The following LPP variants were observed in gnomAD, a reference collection of about 807,000 sequenced individuals.
LPP encodes LIM domain containing preferred translocation partner in lipoma.
Under a neutral mutation model 60.4 loss-of-function variants are expected in LPP, and 38 were observed. The ratio of observed to expected loss-of-function variants is 0.63; its 90% confidence interval spans 0.49 to 0.83. The LOEUF is 0.83. Ranked by LOEUF, LPP falls within the 40% of genes least tolerant of loss-of-function variation. The pLI, the probability that LPP is intolerant of heterozygous loss-of-function variation, is 0.00. For missense variants in LPP, 902 were observed against 783.6 expected, an observed-to-expected ratio of 1.15 and a Z score of -1.80; for synonymous variants, 328 against 290.8, an observed-to-expected ratio of 1.13 and a Z score of -1.30.
chr3:188,787,683 C>T (rs372113996), intron 9 of LPP, among the ~76,000 whole-genome samples: 220 of 152,300 alleles, frequency 1.4e-3, no homozygotes, highest in African/African-American at 5.2e-3. Flanking sequence ...GGTTTTCTTC[C>T]TATCGCTGTA....
At chr3:188,675,548 G>GCT in intron 7 of LPP, among the ~76,000 whole-genome samples, 1 of 152,216 alleles carries the variant, frequency 6.6e-6, no homozygotes, top group Non-Finnish European at 1.5e-5. Flanking sequence ...GGTGTTGGTA[G>GCT]TAATCTGTGC....
chr3:188,431,037 T>C (rs1199415696), intron 4 of LPP, among the ~76,000 whole-genome samples: 2 of 152,188 alleles, frequency 1.3e-5, no homozygotes, highest in South Asian at 4.1e-4. Flanking sequence ...ATGGTAAGTT[T>C]ATAGTATTCC....
At chr3:188,587,790 T>C (rs1253494959) in intron 6 of LPP, among the ~76,000 whole-genome samples, 2 of 152,188 alleles carry the variant, frequency 1.3e-5, no homozygotes, top group Non-Finnish European at 2.9e-5. Flanking sequence ...TAAAATAAAA[T>C]AGGTTTCTTA....
At chr3:188,269,134 T>C (rs1433600555) in intron 2 of LPP, among the ~76,000 whole-genome samples, 1 of 152,216 alleles carries the variant, frequency 6.6e-6, no homozygotes, top group Non-Finnish European at 1.5e-5. Context: ...TCATATACTA[T>C]AGTAAATACG....
At chr3:188,596,008 T>C (rs571272101) in intron 6 of LPP, among the ~76,000 whole-genome samples, 3 of 152,276 alleles carry the variant, frequency 2.0e-5, no homozygotes, top group African/African-American at 7.2e-5. Flanking sequence ...CTAACCCATG[T>C]GGTCACTACA....
intron 2 of LPP, among the ~76,000 whole-genome samples, chr3:188,272,719 C>T (rs527621539): frequency 1.9e-3 from 296 of 152,278 alleles, no homozygotes; most frequent in African/African-American, 6.9e-3. Context: ...AAGCACAATA[C>T]ATCTTTTGCT....
At chr3:188,616,881 C>G (rs1844946430) in intron 7 of LPP, among the ~76,000 whole-genome samples, 9 of 152,106 alleles carry the variant, frequency 5.9e-5, no homozygotes, top group Admixed American at 5.9e-4. Context: ...TGTTTATAAT[C>G]ATTTGTTATT....
intron 3 of LPP, among the ~76,000 whole-genome samples, chr3:188,345,749 TG>T (rs1184978652): frequency 6.6e-6 from 1 of 152,076 alleles, no homozygotes; most frequent in East Asian, 1.9e-4. Context: ...CACATGTACA[TG>T]GGGGCTTCCA....
intron 1 of LPP, among the ~76,000 whole-genome samples, chr3:188,177,629 C>G (rs1007661620): frequency 6.6e-6 from 1 of 152,146 alleles, no homozygotes; most frequent in Admixed American, 6.5e-5. Context: ...ACGTGAGCCT[C>G]AGCCCTCTCC....
chr3:188,473,849 G>A (rs1215746663), intron 4 of LPP, among the ~76,000 whole-genome samples: 1 of 152,166 alleles, frequency 6.6e-6, no homozygotes, highest in African/African-American at 2.4e-5. Flanking sequence ...ACAGATGGTT[G>A]CAATATTTCT....
chr3:188,874,052 G>C (rs561002181), intron 11 of LPP, among the ~76,000 whole-genome samples: 1 of 151,648 alleles, frequency 6.6e-6, no homozygotes, highest in South Asian at 2.1e-4. Context: ...TTCTACATGG[G>C]AGCCAAGATG....
chr3:188,245,207 G>A (rs1040100889), intron 2 of LPP, among the ~76,000 whole-genome samples: 1 of 151,968 alleles, frequency 6.6e-6, no homozygotes, highest in African/African-American at 2.4e-5. Context: ...CTGCCTCCCG[G>A]GTTCAAGCAA....
intron 3 of LPP, among the ~76,000 whole-genome samples, chr3:188,372,969 G>A (rs911794441): frequency 5.9e-5 from 9 of 151,488 alleles, no homozygotes; most frequent in Non-Finnish European, 8.8e-5. Flanking sequence ...TTGGTTTTTT[G>A]TCCTTGAGAT....
chr3:188,800,016 CCTTGCTT>C, intron 9 of LPP, among the ~76,000 whole-genome samples: 1 of 152,138 alleles, frequency 6.6e-6, no homozygotes, highest in South Asian at 2.1e-4. Flanking sequence ...TTGTTCTGCA[CCTTGCTT>C]CTTTGTTTTC....
At chr3:188,600,924 G>GTA (rs903981470) in intron 6 of LPP, among the ~76,000 whole-genome samples, 1 of 151,892 alleles carries the variant, frequency 6.6e-6, no homozygotes, top group South Asian at 2.1e-4. Flanking sequence ...TTGTGTGTGT[G>GTA]TATATATATG....
At chr3:188,839,337 T>G (rs1400020966) in intron 9 of LPP, among the ~76,000 whole-genome samples, 1 of 152,200 alleles carries the variant, frequency 6.6e-6, no homozygotes. Context: ...TCTAGGTAGA[T>G]TTCAAGGCCC....
At chr3:188,296,227 A>G (rs1462046068) in intron 2 of LPP, among the ~76,000 whole-genome samples, 2 of 152,210 alleles carry the variant, frequency 1.3e-5, no homozygotes, top group African/African-American at 2.4e-5. Flanking sequence ...GCCCTTGACA[A>G]TTCAGGAGCT....
At position 188,406,187 on chromosome 3, in the gene LPP, A is replaced by G; in HGVS notation, c.67A>G (p.Met23Val). Residue 23 changes from methionine (M) to valine (V), a missense_variant, in exon 4 of 12, where the codon ATG (methionine) becomes GTG (valine). Coordinates refer to ENST00000617246, the MANE Select transcript of LPP (RefSeq NM_001375462.1). ...GCCCCTCGGCCATGTGCCTGCACGG[A>G]TGGAGACCACCCATTCCTTTGGGAA... Reference protein sequence around the residue: ...GEPLGHVPARMETTHSFGNPS... With the variant: ...GEPLGHVPARVETTHSFGNPS... 6.2e-7 allele frequency: 1 copy of G among 1,614,130 alleles called. No individual in the cohort carries two copies.
intron 7 of LPP, among the ~76,000 whole-genome samples, chr3:188,669,013 T>C (rs886235404): frequency 1.3e-5 from 2 of 152,138 alleles, no homozygotes; most frequent in African/African-American, 4.8e-5. Flanking sequence ...AGGAGACCTG[T>C]CAAAGACAAG....
Sources: gnomAD v4.1 joint callset for allele counts (sites outside exome capture counted in the v4.1 genomes callset) on GRCh38, gnomAD v4.1.1 for gene constraint, MANE v1.5 for transcripts, NCBI Gene and HGNC (gene_info 2026-07-23, HGNC 2026-07-21) for gene names.